Variants in NIBAN1 observed in about 807,000 individuals in gnomAD.
NIBAN1 encodes protein Niban 1.
NIBAN1 carries 81 observed loss-of-function variants against 75.1 expected under a neutral mutation model. The observed-to-expected ratio is 1.08, with a 90% CI of 0.90 to 1.30. The LOEUF (loss-of-function observed/expected upper bound fraction) is 1.30, where lower values mean the gene tolerates loss of function less well. Ranked by LOEUF, NIBAN1 falls within the 50% of genes most tolerant of loss-of-function variation. The pLI, the probability that NIBAN1 is intolerant of heterozygous loss-of-function variation, is 0.00. For missense variants in NIBAN1, 1,133 were observed against 1,128.1 expected (o/e 1.00, Z -0.06); for synonymous variants, 436 against 424.8 (o/e 1.03, Z -0.32).
At chr1:184,868,688 G>A (rs995055485) in intron 5 of NIBAN1, 1 of 152,152 alleles carries the variant, frequency 6.6e-6, no homozygotes, top group African/African-American at 2.4e-5. Flanking sequence ...AGTAGGAAGT[G>A]AGTATCCTCA....
chr1:184,941,794 T>C (rs1658095343), intron 1 of NIBAN1, among the ~76,000 whole-genome samples: 1 of 152,208 alleles, frequency 6.6e-6, no homozygotes, highest in Non-Finnish European at 1.5e-5. Flanking sequence ...TCAGAAGTGT[T>C]TCCCTGTGTC....
chr1:184,918,725 C>G (rs544391293), intron 1 of NIBAN1, among the ~76,000 whole-genome samples: 1 of 152,288 alleles, frequency 6.6e-6, no homozygotes, highest in African/African-American at 2.4e-5. Flanking sequence ...ACCTGAACCC[C>G]CATTTCTCCA....
intron 5 of NIBAN1, among the ~76,000 whole-genome samples, chr1:184,854,412 G>C (rs1280170787): frequency 6.6e-6 from 1 of 152,134 alleles, no homozygotes; most frequent in Non-Finnish European, 1.5e-5. Flanking sequence ...TTATCCAATA[G>C]AACAATCCCA....
chr1:184,795,427 C>T lies in NIBAN1; in HGVS notation c.2337G>A (p.Glu779=). 6.2e-7 allele frequency: 1 copy of T among 1,607,396 alleles called. No homozygotes were observed. Among genetic ancestry groups the T allele is most frequent in the Non-Finnish European group, 8.5e-7 (1 of 1,176,782 alleles). Residue 779 remains glutamate, a synonymous_variant, in exon 14 of 14, where the codon GAG becomes GAA. Transcript: ENST00000367511. ...ATCCCCCCAACTCCTCCCCATGGGCCTCGGGACAGGGAGGTTGGGCCTCCC... is the reference window on the plus strand; with the variant it reads ...ATCCCCCCAACTCCTCCCCATGGGCTTCGGGACAGGGAGGTTGGGCCTCCC... ...SEREAQPPCP[E]AHGEELGGFP...
intron 1 of NIBAN1, among the ~76,000 whole-genome samples, chr1:184,963,280 G>T (rs553535989): frequency 6.6e-6 from 1 of 151,868 alleles, no homozygotes; most frequent in South Asian, 2.1e-4. Context: ...GCAACTTAAC[G>T]AAAAGGGGGG....
intron 5 of NIBAN1, among the ~76,000 whole-genome samples, chr1:184,880,727 C>T (rs1369756042): frequency 6.6e-6 from 1 of 152,200 alleles, no homozygotes; most frequent in Non-Finnish European, 1.5e-5. Context: ...TTGTCAGGAG[C>T]TTTAACTATA....
intron 10 of NIBAN1, among the ~76,000 whole-genome samples, chr1:184,806,614 C>T (rs1249057896): frequency 6.6e-6 from 1 of 152,046 alleles, no homozygotes; most frequent in Non-Finnish European, 1.5e-5. Context: ...AACTGTTGCC[C>T]AATTTTGTTC....
intron 9 of NIBAN1, among the ~76,000 whole-genome samples, chr1:184,809,620 T>TAC (rs1424917659): frequency 1.3e-5 from 2 of 150,344 alleles, no homozygotes; most frequent in East Asian, 1.9e-4. Flanking sequence ...TATATATATA[T>TAC]ACACATATAT....
At chr1:184,798,025 C>G (rs949705001) in intron 13 of NIBAN1, 54 bp downstream of exon 13, 20 of 1,206,090 alleles carry the variant, frequency 1.7e-5, no homozygotes, top group East Asian at 2.4e-5. Flanking sequence ...AGTCCTATTT[C>G]AGGGATGCTC....
chr1:184,942,917 A>G (rs1481727596), intron 1 of NIBAN1, among the ~76,000 whole-genome samples: 9 of 152,206 alleles, frequency 5.9e-5, no homozygotes, highest in African/African-American at 2.2e-4. Context: ...TTCCATAAAA[A>G]TCCTCAATTA....
At chr1:184,802,358 AG>A (rs1488641773) in intron 12 of NIBAN1, among the ~76,000 whole-genome samples, 19 of 152,046 alleles carry the variant, frequency 1.2e-4, no homozygotes, top group African/African-American at 3.9e-4. Flanking sequence ...TCCTGAGAGA[AG>A]GTGGATCTGA....
intron 9 of NIBAN1, among the ~76,000 whole-genome samples, chr1:184,811,555 G>C (rs1388616021): frequency 8.0e-6 from 1 of 125,520 alleles, no homozygotes; most frequent in Non-Finnish European, 1.6e-5. Context: ...CTCCCAACTA[G>C]AGTGCAGGCG....
intron 1 of NIBAN1, among the ~76,000 whole-genome samples, chr1:184,919,309 G>A (rs1657469722): frequency 6.6e-6 from 1 of 152,232 alleles, no homozygotes; most frequent in African/African-American, 2.4e-5. Context: ...CAGGGAAGGA[G>A]TTCCCAAAGG....
rs2102173978 is a variant in NIBAN1 at position 184,795,067 on chromosome 1, T to G, written c.2697A>C (p.Pro899=). The change falls in exon 14 of 14, where the codon CCA becomes CCC. Residue 899 remains proline (P), a synonymous_variant. Coordinates refer to ENST00000367511, the MANE Select transcript of NIBAN1 (RefSeq NM_052966.4). ...TGTGTGACAGCAGGACATCCGGGTT[T>G]GGAGCATCCTCCACCACCCACTGAC... ...HECQWVVEDA[P]NPDVLLSHKD... 1.2e-6 allele frequency: 2 copies of G among 1,614,074 alleles called. No homozygotes were observed. Among genetic ancestry groups the G allele is most frequent in the Non-Finnish European group, 1.7e-6 (2 of 1,180,038 alleles).
At chr1:184,867,098 G>A (rs959729749) in intron 5 of NIBAN1, among the ~76,000 whole-genome samples, 2 of 151,824 alleles carry the variant, frequency 1.3e-5, no homozygotes, top group African/African-American at 4.8e-5. Context: ...CATCAGCAAG[G>A]CCAAACAGGA....
intron 1 of NIBAN1, among the ~76,000 whole-genome samples, chr1:184,905,565 G>A (rs1162395305): frequency 6.6e-6 from 1 of 152,018 alleles, no homozygotes; most frequent in Non-Finnish European, 1.5e-5. Flanking sequence ...TTGCCCCTGT[G>A]CATACATGTG....
chr1:184,920,704 AG>A (rs1215074658), intron 1 of NIBAN1, among the ~76,000 whole-genome samples: 2 of 152,246 alleles, frequency 1.3e-5, no homozygotes, highest in African/African-American at 4.8e-5. Context: ...AAATTATAAA[AG>A]TCGAAGCAAA....
chr1:184,954,058 T>C (rs1475762444), intron 1 of NIBAN1, among the ~76,000 whole-genome samples: 1 of 152,240 alleles, frequency 6.6e-6, no homozygotes, highest in East Asian at 1.9e-4. Context: ...TTGTTTAAGA[T>C]AAGAAACTTT....
intron 1 of NIBAN1, among the ~76,000 whole-genome samples, chr1:184,967,305 A>G (rs886272167): frequency 6.6e-6 from 1 of 151,866 alleles, no homozygotes; most frequent in Non-Finnish European, 1.5e-5. Flanking sequence ...TAGCAGATGA[A>G]TTGTGCTTTT....
Sources: allele counts gnomAD v4.1 joint callset (sites outside exome capture counted in the v4.1 genomes callset), GRCh38; gene constraint gnomAD v4.1.1; transcripts MANE v1.5; gene names NCBI Gene and HGNC (gene_info 2026-07-23, HGNC 2026-07-21).